Variants in UNC13C observed in about 807,000 individuals in gnomAD.
UNC13C encodes the protein unc-13 homolog C, also known as protein unc-13 homolog C.
Under a neutral mutation model 245.4 loss-of-function variants are expected in UNC13C, and 174 were observed. That is an observed-to-expected ratio of 0.71 (90% CI 0.63 to 0.80). The LOEUF (loss-of-function observed/expected upper bound fraction) is 0.80. Among genes scored for constraint, UNC13C ranks in the 30% least tolerant of loss-of-function variants. UNC13C has a pLI of 0.00. For missense variants in UNC13C, 2,829 were observed against 2,602.9 expected (o/e 1.09, Z -1.89); for synonymous variants, 992 against 895.1 (o/e 1.11, Z -1.93).
chr15:54,457,279 C>A (rs1891583672), intron 19 of UNC13C, among the ~76,000 whole-genome samples: 1 of 152,016 alleles, frequency 6.6e-6, no homozygotes, highest in African/African-American at 2.4e-5. Flanking sequence ...ATTCAGATAG[C>A]TAGTATTTTG....
At chr15:54,333,120 A>G (rs1018418642) in intron 15 of UNC13C, among the ~76,000 whole-genome samples, 2 of 152,084 alleles carry the variant, frequency 1.3e-5, no homozygotes, top group East Asian at 3.9e-4. Context: ...ATGGCTCTTT[A>G]GAAAAGCATG....
At chr15:54,596,247 G>A (rs1309449225) in intron 30 of UNC13C, among the ~76,000 whole-genome samples, 1 of 152,138 alleles carries the variant, frequency 6.6e-6, no homozygotes, top group Admixed American at 6.5e-5. Flanking sequence ...AACTGTGGGT[G>A]TTTTTTCTAC....
intron 2 of UNC13C, among the ~76,000 whole-genome samples, chr15:54,023,363 G>T (rs1284542206): frequency 1.3e-5 from 2 of 152,334 alleles, no homozygotes; most frequent in African/African-American, 4.8e-5. Flanking sequence ...TTAAGCATCT[G>T]TGTAAGTTGT....
intron 19 of UNC13C, among the ~76,000 whole-genome samples, chr15:54,447,871 G>T (rs1890917103): frequency 6.6e-6 from 1 of 152,132 alleles, no homozygotes; most frequent in South Asian, 2.1e-4. Context: ...ATGTTAGGGT[G>T]TCAATTTTAG....
intron 24 of UNC13C, among the ~76,000 whole-genome samples, chr15:54,514,979 A>C (rs1894906205): frequency 6.6e-6 from 1 of 152,138 alleles, no homozygotes; most frequent in Non-Finnish European, 1.5e-5. Flanking sequence ...AGAAAAGCAA[A>C]CCACTAATTT....
the UNC13C span, among the ~76,000 whole-genome samples, chr15:53,894,805 A>T: frequency 8.5e-5 from 13 of 152,264 alleles, no homozygotes; most frequent in African/African-American, 3.1e-4. Flanking sequence ...AACTTTTATT[A>T]TAGCAAACTT....
At chr15:54,553,382 A>T (rs1376862360) in intron 28 of UNC13C, among the ~76,000 whole-genome samples, 1 of 121,290 alleles carries the variant, frequency 8.2e-6, no homozygotes, top group Non-Finnish European at 1.7e-5. Flanking sequence ...ATATTATATT[A>T]TGTATTAGTA....
chr15:54,600,429 T>C, intron 30 of UNC13C, among the ~76,000 whole-genome samples: 1 of 152,036 alleles, frequency 6.6e-6, no homozygotes. Flanking sequence ...ATTCAGAGTA[T>C]AGGGGAGCAG....
At chr15:53,990,998 G>A (rs974362017) in intron 1 of UNC13C, among the ~76,000 whole-genome samples, 1 of 152,020 alleles carries the variant, frequency 6.6e-6, no homozygotes, top group Non-Finnish European at 1.5e-5. Flanking sequence ...GGAACACTGA[G>A]AGTGGTAATA....
rs752478035 is a variant in UNC13C, at chr15:54,250,381, C to T, written c.3385C>T (p.Leu1129=). 1.2e-5 allele frequency: 20 copies of T among 1,613,768 alleles called. No individual in the cohort carries two copies. In the East Asian group the frequency reaches 4.5e-4, roughly 36 times the overall value. ...CATTGCAAGGCAAGGCATGAAGTGT[C>T]TGGAGTGTGGAGTGAAATGCCACGA... ...WGIARQGMKC[L]ECGVKCHEKC... The change falls in exon 8 of 33, where the codon CTG becomes TTG. Residue 1129 remains leucine (L), a synonymous_variant. Transcript: ENST00000260323.
At chr15:54,553,554 A>G (rs1033905701) in intron 28 of UNC13C, among the ~76,000 whole-genome samples, 1 of 144,924 alleles carries the variant, frequency 6.9e-6, no homozygotes, top group Non-Finnish European at 1.5e-5. Context: ...ATTTCATATA[A>G]TCAGATTTAT....
At chr15:54,393,776 G>A (rs2040013150) in intron 18 of UNC13C, among the ~76,000 whole-genome samples, 1 of 151,664 alleles carries the variant, frequency 6.6e-6, no homozygotes, top group East Asian at 1.9e-4. Context: ...GTGACCTTAG[G>A]CAAATTATCT....
chr15:54,414,268 G>A (rs927904799), intron 18 of UNC13C, among the ~76,000 whole-genome samples: 2 of 152,096 alleles, frequency 1.3e-5, no homozygotes, highest in Non-Finnish European at 2.9e-5. Context: ...AATGGCTGAG[G>A]GACATATATG....
chr15:54,176,400 T>C (rs1050249134), intron 4 of UNC13C, among the ~76,000 whole-genome samples: 7 of 152,282 alleles, frequency 4.6e-5, no homozygotes, highest in African/African-American at 1.7e-4. Flanking sequence ...TGTTCTGTCT[T>C]TATTCCTCAA....
chr15:54,113,584 T>A (rs982717614), intron 2 of UNC13C, among the ~76,000 whole-genome samples: 3 of 152,134 alleles, frequency 2.0e-5, no homozygotes, highest in Non-Finnish European at 4.4e-5. Context: ...CCCAGCACTT[T>A]GGGAGGCCGA....
intron 4 of UNC13C, among the ~76,000 whole-genome samples, chr15:54,233,813 G>C (rs1025383305): frequency 1.3e-5 from 2 of 152,158 alleles, no homozygotes; most frequent in African/African-American, 2.4e-5. Context: ...TGACAGAGAT[G>C]CCTAGCTATT....
chr15:53,873,248 C>T, the UNC13C span, among the ~76,000 whole-genome samples: 1 of 152,062 alleles, frequency 6.6e-6, no homozygotes, highest in East Asian at 1.9e-4. Context: ...ACTGTTGGTT[C>T]TGGGGAGGGA....
chr15:54,367,560 T>C lies in UNC13C; in HGVS notation c.4714-25488T>C, dbSNP rs185123336. Among the ~76,000 whole-genome samples, 186 of 152,264 alleles carry C rather than the reference T, an allele frequency of 1.2e-3. 1 individual carries two copies. Among genetic ancestry groups the C allele is most frequent in the African/African-American group, 4.2e-3 (175 of 41,568 alleles). ...TTGCCCCTGTCCATACACAGTACTT[T>C]CCACAAGGTATCTGCTCCATGAATA... On this transcript the variant is annotated intron_variant, in intron 17 of 32. Transcript: ENST00000260323.
chr15:54,141,030 T>C (rs1193362206), intron 2 of UNC13C, among the ~76,000 whole-genome samples: 2 of 152,194 alleles, frequency 1.3e-5, no homozygotes, highest in African/African-American at 4.8e-5. Flanking sequence ...TAAGATTACC[T>C]GTATTTAGTG....
Sources: gnomAD v4.1 joint callset for allele counts (sites outside exome capture counted in the v4.1 genomes callset) on GRCh38, gnomAD v4.1.1 for gene constraint, MANE v1.5 for transcripts, NCBI Gene and HGNC (gene_info 2026-07-23, HGNC 2026-07-21) for gene names.